RBFOX1: variants seen among roughly 807,000 people sequenced by gnomAD.
The protein encoded by RBFOX1 is RNA binding fox-1 homolog 1, also known as RNA binding protein fox-1 homolog 1.
In RBFOX1, 8 loss-of-function variants were observed where a neutral mutation model predicts 57.7. That is an observed-to-expected ratio of 0.14 (90% CI 0.08 to 0.25). The LOEUF (loss-of-function observed/expected upper bound fraction) is 0.25, where lower values mean the gene tolerates loss of function less well. Among genes scored for constraint, RBFOX1 ranks in the 10% least tolerant of loss-of-function variants. RBFOX1 has a pLI of 1.00. For synonymous variants in RBFOX1, 326 were observed against 222.4 expected (o/e 1.47, Z -4.15); for missense variants, 611 against 548.5 (o/e 1.11, Z -1.14).
At chr16:5,832,221 T>G (rs2056298430) in intron 3 of RBFOX1, among the ~76,000 whole-genome samples, 1 of 152,176 alleles carries the variant, frequency 6.6e-6, no homozygotes, top group Non-Finnish European at 1.5e-5. Flanking sequence ...AGATATGGGG[T>G]AGCTCAGATC....
intron 4 of RBFOX1, among the ~76,000 whole-genome samples, chr16:5,949,096 C>T (rs1021570135): frequency 1.3e-5 from 2 of 151,994 alleles, no homozygotes; most frequent in Non-Finnish European, 2.9e-5. Context: ...ACATGTCCTC[C>T]CCAACTACTA....
intron 2 of RBFOX1, among the ~76,000 whole-genome samples, chr16:5,505,078 C>G (rs2043334707): frequency 6.6e-6 from 1 of 151,988 alleles, no homozygotes; most frequent in South Asian, 2.1e-4. Context: ...CCAAACACCA[C>G]TTGAGATGGG....
chr16:7,030,942 T>A (rs982493633), intron 3 of RBFOX1, among the ~76,000 whole-genome samples: 3 of 152,208 alleles, frequency 2.0e-5, no homozygotes, highest in African/African-American at 7.2e-5. Flanking sequence ...GGTATTTATC[T>A]TGGAAATAAA....
At chr16:6,871,933 G>GTA (rs2060972721) in intron 3 of RBFOX1, among the ~76,000 whole-genome samples, 2 of 149,966 alleles carry the variant, frequency 1.3e-5, no homozygotes, top group African/African-American at 5.0e-5. Flanking sequence ...GTGTGTGTGT[G>GTA]TGTGTGTGTG....
At chr16:5,369,413 C>T (rs1266282126) in intron 1 of RBFOX1, among the ~76,000 whole-genome samples, 2 of 152,254 alleles carry the variant, frequency 1.3e-5, no homozygotes, top group East Asian at 3.8e-4. Flanking sequence ...CACTGACAGA[C>T]ATAGTCGTCT....
intron 1 of RBFOX1, chr16:6,092,650 T>G (rs913581959): frequency 1.3e-5 from 2 of 152,250 alleles, no homozygotes; most frequent in Non-Finnish European, 2.9e-5. Flanking sequence ...TAGGGAATCC[T>G]TTCCCCATTG....
intron 1 of RBFOX1, among the ~76,000 whole-genome samples, chr16:6,247,267 A>C (rs954174936): frequency 6.6e-6 from 1 of 152,194 alleles, no homozygotes; most frequent in Non-Finnish European, 1.5e-5. Flanking sequence ...ATAGTTACCC[A>C]GCCTTCAATG....
rs540705385 is a variant in RBFOX1, at chr16:6,602,536, T to C, written c.-63-52067T>C. ...TGACCTCCAAGAGGTCTTGATGTTC[T>C]TACAGAAAGGCCACCTGCAGGACAG... On this transcript the variant is annotated intron_variant, in intron 2 of 15. Transcript: ENST00000550418. Among the ~76,000 whole-genome samples the C allele has an allele frequency of 1.1e-4, 16 of 152,208 alleles. No individual in the cohort carries two copies. The South Asian group carries it at 3.3e-3, about 32-fold the overall frequency.
chr16:5,664,439 T>A (rs2049764811), intron 3 of RBFOX1, among the ~76,000 whole-genome samples: 1 of 151,928 alleles, frequency 6.6e-6, no homozygotes, highest in South Asian at 2.1e-4. Context: ...AGCCAGCTAC[T>A]CGGGAGGCTG....
intron 3 of RBFOX1, among the ~76,000 whole-genome samples, chr16:6,927,511 G>A (rs1238705746): frequency 1.3e-5 from 2 of 150,316 alleles, no homozygotes; most frequent in East Asian, 3.9e-4. Context: ...CCACATGGAA[G>A]CTCCATGTGA....
rs559516058 is a variant in RBFOX1, at chr16:7,272,096, T to C, written c.27+219998T>C. On this transcript the variant is annotated intron_variant, in intron 4 of 15. Transcript: ENST00000550418. Reference sequence around the variant, plus strand: ...TCTTCATATCCCCATTGTCGGCGTTTGTAAGACCCCAAATGCTCCTGAAAA... The same window carrying C: ...TCTTCATATCCCCATTGTCGGCGTTCGTAAGACCCCAAATGCTCCTGAAAA... Among the ~76,000 whole-genome samples, 7 of 152,350 alleles carry C rather than the reference T, an allele frequency of 4.6e-5. No homozygotes were observed. The East Asian group carries it at 1.3e-3, about 29-fold the overall frequency.
At chr16:6,840,931 C>T (rs1177117855) in intron 3 of RBFOX1, among the ~76,000 whole-genome samples, 1 of 149,384 alleles carries the variant, frequency 6.7e-6, no homozygotes, top group East Asian at 2.0e-4. Context: ...AGACCCCTCA[C>T]CGCTTTAATC....
intron 5 of RBFOX1, among the ~76,000 whole-genome samples, chr16:7,529,089 T>C (rs1268383016): frequency 6.6e-6 from 1 of 152,098 alleles, no homozygotes; most frequent in Non-Finnish European, 1.5e-5. Flanking sequence ...TGAAACCCTG[T>C]CTCGACACAA....
chr16:7,075,748 T>A (rs1199615966), intron 4 of RBFOX1, among the ~76,000 whole-genome samples: 1 of 151,694 alleles, frequency 6.6e-6, no homozygotes, highest in Admixed American at 6.6e-5. Flanking sequence ...GCTCGGCTAA[T>A]TTTTTTTATT....
intron 1 of RBFOX1, among the ~76,000 whole-genome samples, chr16:6,149,578 GCATC>G (rs1212816628): frequency 6.6e-6 from 1 of 152,180 alleles, no homozygotes; most frequent in African/African-American, 2.4e-5. Flanking sequence ...GTGCCTGTGA[GCATC>G]CCTTAGATGA....
rs917167391 is a variant in RBFOX1, at chr16:7,346,594, G to A, written c.28-171553G>A. ...TCCTGGTTTACTCTATAGAAGTCTCGTTGCTGACACATCATGGTGTGTGTC... is the reference window on the plus strand; with the variant it reads ...TCCTGGTTTACTCTATAGAAGTCTCATTGCTGACACATCATGGTGTGTGTC... On this transcript the variant is annotated intron_variant, in intron 4 of 15. Coordinates refer to ENST00000550418, the MANE Select transcript of RBFOX1 (RefSeq NM_018723.4). 7.9e-5 allele frequency among the ~76,000 whole-genome samples: 12 copies of A among 151,714 alleles called. No homozygotes were observed. In the East Asian group the frequency reaches 2.0e-3, roughly 25 times the overall value.
intron 4 of RBFOX1, among the ~76,000 whole-genome samples, chr16:7,428,835 A>G (rs1267225241): frequency 2.0e-5 from 3 of 152,066 alleles, no homozygotes; most frequent in Non-Finnish European, 4.4e-5. Flanking sequence ...TCATCTTTAT[A>G]ATGGGAATAA....
At chr16:5,307,149 C>G (rs1415905210) in intron 1 of RBFOX1, among the ~76,000 whole-genome samples, 1 of 152,172 alleles carries the variant, frequency 6.6e-6, no homozygotes, top group Non-Finnish European at 1.5e-5. Context: ...TGGCTACTCG[C>G]TTATTACATT....
intron 2 of RBFOX1, among the ~76,000 whole-genome samples, chr16:6,496,383 G>A (rs568292233): frequency 1.3e-5 from 2 of 152,198 alleles, no homozygotes; most frequent in Non-Finnish European, 2.9e-5. Flanking sequence ...CCTGCTTTGC[G>A]GCAGGCGTTT....
Sources: gnomAD v4.1 joint callset for allele counts (sites outside exome capture counted in the v4.1 genomes callset) on GRCh38, gnomAD v4.1.1 for gene constraint, MANE v1.5 for transcripts, NCBI Gene and HGNC (gene_info 2026-07-23, HGNC 2026-07-21) for gene names.